The following SPATA7 variants were observed in gnomAD, a reference collection of about 807,000 sequenced individuals.
The protein encoded by SPATA7 is spermatogenesis-associated protein 7.
A neutral mutation model predicts 51.8 loss-of-function variants in SPATA7; 43 were observed. That is an observed-to-expected ratio of 0.83 (90% confidence interval 0.65 to 1.07). SPATA7 has a LOEUF of 1.07. Among genes scored for constraint, SPATA7 ranks in the 50% least tolerant of loss-of-function variants. SPATA7 has a pLI of 0.00. For missense variants in SPATA7, 683 were observed against 701.3 expected, an observed-to-expected ratio of 0.97 and a Z score of 0.30; for synonymous variants, 230 against 252.8, an observed-to-expected ratio of 0.91 and a Z score of 0.86.
intron 3 of SPATA7, among the ~76,000 whole-genome samples, chr14:88,453,006 C>T (rs1268210854): frequency 6.6e-6 from 1 of 152,210 alleles, no homozygotes; most frequent in East Asian, 1.9e-4. Flanking sequence ...CTGAATATAA[C>T]ACCTCCTGTG....
intron 4 of SPATA7, chr14:88,416,332 T>C: frequency 5.6e-6 from 1 of 178,100 alleles, no homozygotes; most frequent in Non-Finnish European, 1.2e-5. Flanking sequence ...GTAACCTTCA[T>C]ATCTCTGTGA....
intron 4 of SPATA7, among the ~76,000 whole-genome samples, chr14:88,407,589 T>A (rs1004186076): frequency 3.9e-5 from 6 of 152,242 alleles, no homozygotes; most frequent in African/African-American, 1.4e-4. Context: ...TTTCTTTTGC[T>A]GTGCAGAAGC....
chr14:88,416,784 AACTGC>A lies in SPATA7; in HGVS notation c.314_318del (p.Thr105AsnfsTer6). The A allele has an allele frequency of 1.9e-6, 3 of 1,610,654 alleles. No individual in the cohort carries two copies. Among genetic ancestry groups the A allele is most frequent in the Non-Finnish European group, 2.5e-6 (3 of 1,177,138 alleles). Reference sequence around the variant, plus strand: ...GTGAAAAAGAGTTCAAATTAACTAAAACTGCAATGCGAGCCAATTATAAAAATAAT... The same window carrying A: ...GTGAAAAAGAGTTCAAATTAACTAAAAATGCGAGCCAATTATAAAAATAAT... On this transcript the variant is annotated frameshift_variant, in exon 5 of 12. Coordinates refer to ENST00000393545, the MANE Select transcript of SPATA7 (RefSeq NM_018418.5). LOFTEE classifies it high-confidence loss of function.
At chr14:88,445,906 T>A (rs1316823352) in intron 3 of SPATA7, among the ~76,000 whole-genome samples, 1 of 152,186 alleles carries the variant, frequency 6.6e-6, no homozygotes, top group Non-Finnish European at 1.5e-5. Flanking sequence ...TATTGAGGAT[T>A]TTTGTATCAA....
At chr14:88,417,304 GTTT>G (rs11330123) in intron 5 of SPATA7, among the ~76,000 whole-genome samples, 3 of 141,360 alleles carry the variant, frequency 2.1e-5, no homozygotes, top group Non-Finnish European at 3.1e-5. Flanking sequence ...AATCTGTGGG[GTTT>G]TTTTTTTTTT....
chr14:88,391,479 A>G (rs771061840), intron 2 of SPATA7, 24 bp downstream of exon 2: 47 of 1,598,404 alleles, frequency 2.9e-5, no homozygotes, highest in African/African-American at 4.0e-5. Flanking sequence ...TTAAAACGGC[A>G]GCTTTGTTAG....
downstream of SPATA7, among the ~76,000 whole-genome samples, chr14:88,456,347 A>C (rs2077283881): frequency 6.6e-6 from 1 of 152,066 alleles, no homozygotes; most frequent in African/African-American, 2.4e-5. Flanking sequence ...CCAACAGTGT[A>C]AAAGTGTTCC....
chr14:88,448,243 C>A (rs1434056704), intron 3 of SPATA7, among the ~76,000 whole-genome samples: 1 of 152,114 alleles, frequency 6.6e-6, no homozygotes, highest in African/African-American at 2.4e-5. Flanking sequence ...TTTCATCTTC[C>A]ATCGCTGATA....
chr14:88,450,028 G>A (rs1208527582), intron 3 of SPATA7, among the ~76,000 whole-genome samples: 1 of 151,930 alleles, frequency 6.6e-6, no homozygotes, highest in Non-Finnish European at 1.5e-5. Context: ...CAGAGTTTCT[G>A]TTTCTTCCTG....
At chr14:88,419,772 G>A (rs1029814173) in intron 5 of SPATA7, among the ~76,000 whole-genome samples, 2 of 151,922 alleles carry the variant, frequency 1.3e-5, no homozygotes, top group African/African-American at 4.8e-5. Context: ...TGATCTGCCT[G>A]CCTCGGCCTC....
At chr14:88,403,949 A>G (rs1422347812) in intron 4 of SPATA7, among the ~76,000 whole-genome samples, 1 of 152,190 alleles carries the variant, frequency 6.6e-6, no homozygotes, top group Non-Finnish European at 1.5e-5. Flanking sequence ...TAGATGTATT[A>G]ATTATCTTGA....
downstream of SPATA7, among the ~76,000 whole-genome samples, chr14:88,439,957 A>G (rs1201564100): frequency 1.3e-5 from 2 of 152,074 alleles, no homozygotes; most frequent in Non-Finnish European, 2.9e-5. Context: ...CCCCTCTTGC[A>G]GTCCTCTTAA....
At chr14:88,465,030 C>T (rs369849149) in intron 4 of SPATA7, among the ~76,000 whole-genome samples, 4 of 152,272 alleles carry the variant, frequency 2.6e-5, no homozygotes, top group East Asian at 1.9e-4. Flanking sequence ...GCTTTCTGGA[C>T]GTTTCTAAGG....
intron 5 of SPATA7, among the ~76,000 whole-genome samples, chr14:88,421,245 AG>A (rs2076634138): frequency 6.6e-6 from 1 of 152,186 alleles, no homozygotes; most frequent in Non-Finnish European, 1.5e-5. Flanking sequence ...ACTCAGTGCC[AG>A]GGTTCAGGAT....
At chr14:88,438,958 G>A (rs1217253235), downstream of SPATA7, among the ~76,000 whole-genome samples, 1 of 152,178 alleles carries the variant, frequency 6.6e-6, no homozygotes, top group Non-Finnish European at 1.5e-5. Context: ...GCAAGTCACA[G>A]GTCTTGCCCA....
intron 3 of SPATA7, among the ~76,000 whole-genome samples, chr14:88,449,489 C>G (rs1289957704): frequency 6.6e-6 from 1 of 151,994 alleles, no homozygotes; most frequent in African/African-American, 2.4e-5. Flanking sequence ...TGTTTTGTGG[C>G]CTATCATATA....
chr14:88,436,234 C>A (rs1348494905), intron 10 of SPATA7, among the ~76,000 whole-genome samples: 11 of 152,096 alleles, frequency 7.2e-5, no homozygotes, highest in Non-Finnish European at 1.5e-5. Flanking sequence ...CTATTCAAAT[C>A]TTTTGCCCAT....
chr14:88,412,727 A>G (rs1179238353), intron 4 of SPATA7, among the ~76,000 whole-genome samples: 2 of 152,196 alleles, frequency 1.3e-5, no homozygotes, highest in Non-Finnish European at 2.9e-5. Flanking sequence ...ATAGTTTACA[A>G]ATATATTCTC....
intron 4 of SPATA7, among the ~76,000 whole-genome samples, chr14:88,398,435 C>G (rs1463750009): frequency 1.5e-5 from 2 of 134,432 alleles, no homozygotes; most frequent in Non-Finnish European, 3.0e-5. Flanking sequence ...ACAATGAGAT[C>G]ACATGGACAC....
Sources: allele counts gnomAD v4.1 joint callset (sites outside exome capture counted in the v4.1 genomes callset), GRCh38; gene constraint gnomAD v4.1.1; transcripts MANE v1.5; gene names NCBI Gene and HGNC (gene_info 2026-07-23, HGNC 2026-07-21).